The following IQSEC2 variants were observed in gnomAD, a reference collection of about 807,000 sequenced individuals.
IQSEC2 encodes IQ motif and Sec7 domain ArfGEF 2.
Under a neutral mutation model 74.6 loss-of-function variants are expected in IQSEC2, and 6 were observed. The ratio of observed to expected loss-of-function variants is 0.08; its 90% CI spans 0.04 to 0.16. IQSEC2 has a LOEUF of 0.16. Ranked by LOEUF, IQSEC2 falls within the 10% of genes least tolerant of loss-of-function variation. The probability of loss-of-function intolerance (pLI) is 1.00; values close to 1 mark genes in which losing one functional copy is unlikely to be tolerated. For missense variants in IQSEC2, 734 were observed against 1,306.2 expected (o/e 0.56, Z 6.75); for synonymous variants, 494 against 544.5 (o/e 0.91, Z 1.29).
rs782582227 is a variant in IQSEC2, at chrX:53,288,341, C to T, written c.737+3554G>A. ...CTTCTCCTCCAACTGCAGTGGCTCC[C>T]GTTGCCATAGGGACGTCCCTGTCTC... On this transcript the variant is annotated intron_variant, in intron 2 of 14. Transcript: ENST00000642864. Among the ~76,000 whole-genome samples, 6 of 111,869 alleles carry T rather than the reference C, an allele frequency of 5.4e-5. No homozygotes were observed. In the South Asian group the frequency reaches 1.1e-3, roughly 21 times the overall value.
At chrX:53,236,209 A>C (rs938305658) in intron 13 of IQSEC2, 113 bp downstream of exon 13, 56 of 850,638 alleles carry the variant, frequency 6.6e-5, no homozygotes, top group Admixed American at 1.1e-4. Flanking sequence ...GGGTGAAGGC[A>C]GGGTGCGTGC....
intron 2 of IQSEC2, chrX:53,279,291 A>G (rs2074898476): frequency 3.4e-6 from 1 of 296,407 alleles, no homozygotes; most frequent in Admixed American, 5.6e-5. Context: ...CATCCTTTAA[A>G]AAAGCTGGAT....
intron 2 of IQSEC2, among the ~76,000 whole-genome samples, chrX:53,264,057 G>A (rs1323159564): frequency 1.8e-5 from 2 of 112,208 alleles, no homozygotes; most frequent in East Asian, 5.6e-4. Context: ...ACAGCCTCAC[G>A]TGCTTAAAAG....
At chrX:53,241,134 C>G (rs2074213458) in intron 10 of IQSEC2, among the ~76,000 whole-genome samples, 1 of 109,946 alleles carries the variant, frequency 9.1e-6, no homozygotes, top group Admixed American at 9.7e-5. Context: ...GAGGCAGGGT[C>G]TGGCTCTGTT....
chrX:53,272,529 G>C (rs1271290477), intron 2 of IQSEC2, among the ~76,000 whole-genome samples: 1 of 111,337 alleles, frequency 9.0e-6, no homozygotes, highest in East Asian at 2.8e-4. Context: ...GCTAGTGAGT[G>C]ACAAAGTTGG....
At chrX:53,288,960 C>A (rs2075062048) in intron 2 of IQSEC2, among the ~76,000 whole-genome samples, 1 of 107,497 alleles carries the variant, frequency 9.3e-6, no homozygotes, top group Admixed American at 1.0e-4. Flanking sequence ...CCCATGCCTA[C>A]CCCCCACCCC....
At chrX:53,255,050 C>G (rs782450242) in intron 3 of IQSEC2, 119 bp from the exon 4 acceptor site, 1 of 703,548 alleles carries the variant, frequency 1.4e-6, no homozygotes, top group East Asian at 3.5e-5. Flanking sequence ...CCACCGAGAG[C>G]GCCAGGCTAG....
chrX:53,315,261 C>T (rs1487298251), intron 1 of IQSEC2, among the ~76,000 whole-genome samples: 1 of 111,589 alleles, frequency 9.0e-6, no homozygotes, highest in African/African-American at 3.3e-5. Context: ...GGTGGTGGCA[C>T]GTGTTTGTAA....
intron 1 of IQSEC2, among the ~76,000 whole-genome samples, chrX:53,314,047 AGTG>A (rs2075344483): frequency 1.8e-5 from 2 of 112,141 alleles, no homozygotes; most frequent in Non-Finnish European, 3.8e-5. Context: ...GCTGGAGTGC[AGTG>A]GCACAATCAT....
chrX:53,235,218 T>C (rs1556859385), intron 14 of IQSEC2, 34 bp from the exon 15 acceptor site: 1 of 1,163,402 alleles, frequency 8.6e-7, no homozygotes, highest in African/African-American at 1.8e-5. Flanking sequence ...CAGGCCAGGC[T>C]AGATGCCCTA....
chrX:53,293,132 T>C (rs1308736010), intron 1 of IQSEC2, among the ~76,000 whole-genome samples: 2 of 111,278 alleles, frequency 1.8e-5, no homozygotes, highest in African/African-American at 3.3e-5. Context: ...AAGGGAGCAT[T>C]TGTTGAAAGA....
At position 53,247,020 on chromosome X, in the gene IQSEC2, C is replaced by T. The variant is rs1461166570; in HGVS notation, c.2698G>A (p.Val900Ile). The change falls in exon 8 of 15, where the codon GTC becomes ATC. Residue 900 changes from valine (V) to isoleucine (I), a missense_variant. Val to Ile is a conservative substitution (Grantham distance 29). Transcript: ENST00000642864. ...LLNTDMYSPS[V>I]KAERKMKLDD... ...AGTTTCATCTTTCGTTCAGCTTTGA[C>T]GCTGGGACTGTACATGTCGGTATTG... is the stretch of plus-strand genomic sequence containing the variant. The T allele has an allele frequency of 6.6e-6, 8 of 1,208,734 alleles. No homozygotes were observed. The highest frequency in any genetic ancestry group is 3.5e-5 in the South Asian group (2 of 56,744).
chrX:53,242,757 C>T (rs1442938836), intron 9 of IQSEC2, among the ~76,000 whole-genome samples: 3 of 110,254 alleles, frequency 2.7e-5, no homozygotes, highest in South Asian at 7.7e-4. Context: ...TTTTTTGAGA[C>T]GGAGTCTTGC....
Position 53,321,344 on chromosome X carries a change from A to C in IQSEC2, c.-221T>G. ...CTGCCGCCGCCACCACCACCACCAC[A>C]GCCACTGCTCGGGAGGACGCGGCCC... On this transcript the variant is annotated 5_prime_UTR_variant, in exon 1 of 15. Coordinates refer to ENST00000642864, the MANE Select transcript of IQSEC2 (RefSeq NM_001111125.3). 4.6e-6 allele frequency: 1 copy of C among 216,084 alleles called. No individual in the cohort carries two copies. The highest frequency in any genetic ancestry group is 8.2e-6 in the Non-Finnish European group (1 of 122,472). 17.8% of individuals were successfully genotyped at this position (216,084 alleles called of 1,213,427 possible). A position where few individuals can be genotyped will look rare whatever the true frequency, so the allele number is the denominator to read the frequency against.
intron 4 of IQSEC2, among the ~76,000 whole-genome samples, chrX:53,252,387 A>C (rs782132816): frequency 0.011 from 1,247 of 111,330 alleles, 24 homozygotes; most frequent in African/African-American, 0.038. Flanking sequence ...AAAAAAAAAA[A>C]AAAACTGCAA....
intron 1 of IQSEC2, among the ~76,000 whole-genome samples, chrX:53,311,199 G>A (rs1439496697): frequency 2.8e-5 from 3 of 105,880 alleles, no homozygotes; most frequent in Non-Finnish European, 3.9e-5. Flanking sequence ...TCTAATCAGC[G>A]TTCTCTTTTC....
chrX:53,266,864 G>C, intron 2 of IQSEC2: 1 of 1,041,394 alleles, frequency 9.6e-7, no homozygotes, highest in Non-Finnish European at 1.3e-6. Flanking sequence ...TGAAGCAGGG[G>C]ACAGGGTCCC....
intron 2 of IQSEC2, among the ~76,000 whole-genome samples, chrX:53,275,795 A>G (rs1178744383): frequency 1.1e-5 from 1 of 91,303 alleles, no homozygotes; most frequent in Non-Finnish European, 2.1e-5. Flanking sequence ...CCAGGTTCAC[A>G]CCATTCTCCC....
chrX:53,289,541 C>T (rs144512609), intron 2 of IQSEC2, among the ~76,000 whole-genome samples: 1,122 of 111,541 alleles, frequency 0.01, 26 homozygotes, highest in African/African-American at 0.033. Context: ...CGGCAGTCCC[C>T]GACAGCCCTG....
Sources: gnomAD v4.1 joint callset for allele counts (sites outside exome capture counted in the v4.1 genomes callset) on GRCh38, gnomAD v4.1.1 for gene constraint, MANE v1.5 for transcripts, NCBI Gene and HGNC (gene_info 2026-07-23, HGNC 2026-07-21) for gene names.